The following MAML3 variants were observed in gnomAD, a reference collection of about 807,000 sequenced individuals.
The protein encoded by MAML3 is mastermind-like protein 3.
A neutral mutation model predicts 101.9 loss-of-function variants in MAML3; 27 were observed. The ratio of observed to expected loss-of-function variants is 0.27; its 90% CI spans 0.20 to 0.37. The LOEUF (loss-of-function observed/expected upper bound fraction) is 0.37, where lower values mean the gene tolerates loss of function less well. Ranked by LOEUF, MAML3 falls within the 10% of genes least tolerant of loss-of-function variation. The probability of loss-of-function intolerance (pLI) is 1.00; values close to 1 mark genes in which losing one functional copy is unlikely to be tolerated. For synonymous variants in MAML3, 501 were observed against 555.9 expected (o/e 0.90, Z 1.39); for missense variants, 1,316 against 1,444.9 (o/e 0.91, Z 1.45).
At chr4:140,021,427 T>C (rs924749393) in intron 1 of MAML3, among the ~76,000 whole-genome samples, 2 of 152,228 alleles carry the variant, frequency 1.3e-5, no homozygotes, top group African/African-American at 2.4e-5. Flanking sequence ...CTACCTAATG[T>C]GTGCCAGGCA....
chr4:140,134,108 G>C (rs1312361861), intron 1 of MAML3: 1 of 456,738 alleles, frequency 2.2e-6, no homozygotes, highest in South Asian at 1.5e-5. Flanking sequence ...TGGCTCCACA[G>C]TGCTCAGGGC....
At chr4:140,018,251 A>G (rs1267296754) in intron 1 of MAML3, among the ~76,000 whole-genome samples, 1 of 151,990 alleles carries the variant, frequency 6.6e-6, no homozygotes, top group Non-Finnish European at 1.5e-5. Flanking sequence ...AAACAAATGT[A>G]TAACGCATAA....
intron 2 of MAML3, among the ~76,000 whole-genome samples, chr4:139,870,300 C>T (rs1292972443): frequency 6.6e-6 from 1 of 152,170 alleles, no homozygotes; most frequent in African/African-American, 2.4e-5. Flanking sequence ...TCCCCTCACC[C>T]CACCCTACCC....
intron 1 of MAML3, among the ~76,000 whole-genome samples, chr4:139,892,505 T>C (rs1358916080): frequency 6.6e-6 from 1 of 151,974 alleles, no homozygotes; most frequent in Non-Finnish European, 1.5e-5. Flanking sequence ...TTCTAACTCG[T>C]CTTTTACGCT....
chr4:140,137,744 C>T lies in MAML3; in HGVS notation c.468+15116G>A, dbSNP rs79749764. ...CTTCCATATATGGTGGTCCCCACCC[C>T]CAGAAGTCAATACCAGAAACTCCTA... On this transcript the variant is annotated intron_variant, in intron 1 of 4. Transcript: ENST00000509479. Among the ~76,000 whole-genome samples, 63 of 152,296 alleles carry T rather than the reference C, an allele frequency of 4.1e-4. No individual in the cohort carries two copies. In the East Asian group the frequency reaches 9.8e-3, roughly 24 times the overall value.
chr4:140,012,196 A>C (rs1726574516), intron 1 of MAML3, among the ~76,000 whole-genome samples: 2 of 152,212 alleles, frequency 1.3e-5, no homozygotes, highest in South Asian at 4.1e-4. Flanking sequence ...AAAGAAGATA[A>C]AAGAATTAAT....
chr4:140,143,248 C>T (rs1005022076), intron 1 of MAML3, among the ~76,000 whole-genome samples: 10 of 152,220 alleles, frequency 6.6e-5, no homozygotes, highest in East Asian at 1.9e-4. Context: ...CAGTGCCCAA[C>T]GTGCAACAGT....
chr4:139,802,734 A>G (rs1197169786), intron 2 of MAML3, among the ~76,000 whole-genome samples: 1 of 152,230 alleles, frequency 6.6e-6, no homozygotes, highest in African/African-American at 2.4e-5. Flanking sequence ...CTGTGCTGAC[A>G]GTTAAGTGTG....
intron 1 of MAML3, among the ~76,000 whole-genome samples, chr4:140,104,395 T>TTATATAATATATAATATATTATATAA (rs1728309949): frequency 6.4e-5 from 2 of 31,078 alleles, no homozygotes; most frequent in African/African-American, 1.6e-4. Flanking sequence ...ATATTATATA[T>TTATATAATATATAATATATTATATAA]TATATAATAT....
chr4:139,811,097 T>C (rs907879655), intron 2 of MAML3, among the ~76,000 whole-genome samples: 3 of 152,218 alleles, frequency 2.0e-5, no homozygotes, highest in Non-Finnish European at 2.9e-5. Context: ...ATAACTGACA[T>C]TGTGCATCAG....
intron 1 of MAML3, among the ~76,000 whole-genome samples, chr4:139,944,523 G>T (rs1322013019): frequency 6.6e-6 from 1 of 152,050 alleles, no homozygotes; most frequent in Admixed American, 6.5e-5. Flanking sequence ...CATTTTTTAT[G>T]GCTGCATAGT....
At chr4:140,112,174 G>T (rs67716025) in intron 1 of MAML3, among the ~76,000 whole-genome samples, 15,482 of 151,706 alleles carry the variant, frequency 0.1, 926 homozygotes, top group East Asian at 0.25. Context: ...TATTTAATTG[G>T]TTATAATTCA....
At chr4:140,003,299 A>G (rs1726361931) in intron 1 of MAML3, among the ~76,000 whole-genome samples, 1 of 152,170 alleles carries the variant, frequency 6.6e-6, no homozygotes, top group South Asian at 2.1e-4. Context: ...TGGGTTACCT[A>G]AGGGAAAATT....
At chr4:139,805,936 G>A (rs1730692992) in intron 2 of MAML3, among the ~76,000 whole-genome samples, 1 of 152,034 alleles carries the variant, frequency 6.6e-6, no homozygotes, top group African/African-American at 2.4e-5. Flanking sequence ...TAAAAATATG[G>A]GGAAAGGAAA....
At chr4:139,737,796 T>G (rs149103246) in intron 2 of MAML3, among the ~76,000 whole-genome samples, 2 of 152,334 alleles carry the variant, frequency 1.3e-5, no homozygotes, top group African/African-American at 4.8e-5. Context: ...GAGAGGTGTT[T>G]ACAATAAATT....
At chr4:140,061,609 A>T (rs148698084) in intron 1 of MAML3, among the ~76,000 whole-genome samples, 1,556 of 152,346 alleles carry the variant, frequency 0.01, 12 homozygotes, top group Non-Finnish European at 0.017. Context: ...GCCAGTAAAA[A>T]TTTGTGCCAA....
intron 2 of MAML3, among the ~76,000 whole-genome samples, chr4:139,762,676 A>G (rs1729780803): frequency 1.3e-5 from 2 of 152,214 alleles, no homozygotes; most frequent in African/African-American, 4.8e-5. Flanking sequence ...TCCTCGAGAA[A>G]GTATGCAAGT....
chr4:140,038,774 C>T (rs959479008), intron 1 of MAML3, among the ~76,000 whole-genome samples: 1 of 152,154 alleles, frequency 6.6e-6, no homozygotes, highest in Non-Finnish European at 1.5e-5. Context: ...TATTATTATT[C>T]ATGAAGGTGC....
intron 1 of MAML3, among the ~76,000 whole-genome samples, chr4:140,131,247 T>G (rs1055056092): frequency 6.6e-6 from 1 of 152,214 alleles, no homozygotes; most frequent in African/African-American, 2.4e-5. Flanking sequence ...AAATTTGAAA[T>G]CTGTTCCTTC....
Sources: gnomAD v4.1 joint callset for allele counts (sites outside exome capture counted in the v4.1 genomes callset) on GRCh38, gnomAD v4.1.1 for gene constraint, MANE v1.5 for transcripts, NCBI Gene and HGNC (gene_info 2026-07-23, HGNC 2026-07-21) for gene names.